Variants in UBAC2 observed in about 807,000 individuals in gnomAD.
UBAC2 encodes ubiquitin-associated domain-containing protein 2.
In UBAC2, 26 loss-of-function variants were observed where a neutral mutation model predicts 44.0. The observed-to-expected ratio is 0.59, with a 90% CI of 0.43 to 0.82. The LOEUF (loss-of-function observed/expected upper bound fraction) is 0.82. Among genes scored for constraint, UBAC2 ranks in the 40% least tolerant of loss-of-function variants. UBAC2 has a pLI of 0.00. For synonymous variants in UBAC2, 155 were observed against 154.3 expected (o/e 1.00, Z -0.04); for missense variants, 329 against 419.4 (o/e 0.78, Z 1.88).
intron 1 of UBAC2, among the ~76,000 whole-genome samples, chr13:99,210,350 A>G (rs1216812598): frequency 1.3e-5 from 2 of 152,328 alleles, no homozygotes; most frequent in Admixed American, 6.5e-5. Flanking sequence ...ACAAAAATGA[A>G]TATCTAAATA....
chr13:99,236,432 A>T (rs1226911306), intron 1 of UBAC2, among the ~76,000 whole-genome samples: 1 of 152,270 alleles, frequency 6.6e-6, no homozygotes, highest in African/African-American at 2.4e-5. Flanking sequence ...AAAAGAAGAC[A>T]TACAAATGGC....
chr13:99,353,787 CAGA>C (rs1176100860), intron 7 of UBAC2, among the ~76,000 whole-genome samples: 1 of 152,170 alleles, frequency 6.6e-6, no homozygotes, highest in African/African-American at 2.4e-5. Context: ...TAATGAGGAA[CAGA>C]CCACTGGAGT....
In UBAC2 at chr13:99,247,200, TTTTTTTTTGTTTTG is replaced by T. The variant is rs1278893026; in HGVS notation, c.389+2581_389+2594del. On this transcript the variant is annotated intron_variant, in intron 4 of 8. Transcript: ENST00000403766. ...ACTAAAGAGAGAAAACTACTGTTTT[TTTTTTTTTGTTTTG>T]TTTTGTTTTGTTTTTCTTGAGACGG... is the stretch of plus-strand genomic sequence containing the variant. Among the ~76,000 whole-genome samples the T allele has an allele frequency of 6.1e-5, 5 of 82,462 alleles. No individual in the cohort carries two copies. In the South Asian group the frequency reaches 1.5e-3, roughly 25 times the overall value. 54.1% of individuals were successfully genotyped at this position (82,462 alleles called of 152,430 possible). A position where few individuals can be genotyped will look rare whatever the true frequency, so the allele number is the denominator to read the frequency against.
In UBAC2 at chr13:99,282,853, CA is replaced by C. The variant is rs138998162; in HGVS notation, c.390-31243del. On this transcript the variant is annotated intron_variant, in intron 4 of 8. Coordinates refer to ENST00000403766, the MANE Select transcript of UBAC2 (RefSeq NM_001144072.2). ...AATATACAGCACACAAAAATAATCT[CA>C]TACCTGTCTTAGGGTTGGATTTTTT... 4.2e-3 allele frequency among the ~76,000 whole-genome samples: 642 copies of C among 152,288 alleles called. 2 individuals carry two copies. Among genetic ancestry groups the C allele is most frequent in the Middle Eastern group, 0.01 (3 of 294 alleles).
At chr13:99,367,962 C>T (rs2045353858) in intron 8 of UBAC2, 56 bp downstream of exon 8, 2 of 1,579,852 alleles carry the variant, frequency 1.3e-6, no homozygotes, top group Admixed American at 1.8e-5. Flanking sequence ...AGAGTTGAAG[C>T]AGTTTCGATC....
At chr13:99,297,085 G>C (rs1255333423) in intron 4 of UBAC2, among the ~76,000 whole-genome samples, 1 of 152,092 alleles carries the variant, frequency 6.6e-6, no homozygotes, top group Non-Finnish European at 1.5e-5. Flanking sequence ...TGCATAATTT[G>C]CTTAGCTACT....
At position 99,269,870 on chromosome 13, in the gene UBAC2, A is replaced by G. The variant is rs181101052; in HGVS notation, c.389+25246A>G. Among the ~76,000 whole-genome samples, 347 of 152,300 alleles carry G rather than the reference A, an allele frequency of 2.3e-3. 1 individual carries two copies. Among genetic ancestry groups the G allele is most frequent in the African/African-American group, 7.7e-3 (322 of 41,558 alleles). ...TGATAAAAGCTTTAACTCCTCTAAA[A>G]TAAGTTATTAAATGGGGATCATATG... On this transcript the variant is annotated intron_variant, in intron 4 of 8. Transcript: ENST00000403766.
intron 4 of UBAC2, among the ~76,000 whole-genome samples, chr13:99,281,162 C>T (rs926583223): frequency 6.6e-6 from 1 of 151,666 alleles, no homozygotes; most frequent in South Asian, 2.1e-4. Context: ...GTACTCCAGC[C>T]TGGGTGACAG....
Position 99,386,237 on chromosome 13 carries a change from GCAGACTGTGGAGGACAGGATGCAGGT to G in UBAC2, c.*906_*931del, listed in dbSNP as rs1262264010. 2.6e-5 allele frequency: 4 copies of G among 152,330 alleles called. No homozygotes were observed. Among genetic ancestry groups the G allele is most frequent in the African/African-American group, 7.2e-5 (3 of 41,452 alleles). 9.4% of individuals were successfully genotyped at this position (152,330 alleles called of 1,614,324 possible). ...TCAACCTGTGGCGACAGGAGGCAGG[GCAGACTGTGGAGGACAGGATGCAGGT>G]CAGGGAGAGGGAAGGCAGGGGTGGA... On this transcript the variant is annotated 3_prime_UTR_variant, in exon 9 of 9. Coordinates refer to ENST00000403766, the MANE Select transcript of UBAC2 (RefSeq NM_001144072.2).
chr13:99,272,789 G>T (rs886296468), intron 4 of UBAC2, among the ~76,000 whole-genome samples: 3 of 152,074 alleles, frequency 2.0e-5, no homozygotes, highest in African/African-American at 7.2e-5. Context: ...ACCACATTGG[G>T]GGCTAGTGCT....
intron 7 of UBAC2, among the ~76,000 whole-genome samples, chr13:99,344,620 A>G (rs1048535779): frequency 6.6e-6 from 1 of 152,208 alleles, no homozygotes; most frequent in Admixed American, 6.5e-5. Context: ...TATGTTACAC[A>G]TGATCTGTCT....
chr13:99,372,213 C>T (rs1218841002), intron 8 of UBAC2: 2 of 152,346 alleles, frequency 1.3e-5, no homozygotes, highest in Non-Finnish European at 2.9e-5. Flanking sequence ...GAGATGTCTG[C>T]TCATGCCTTC....
intron 1 of UBAC2, chr13:99,234,275 C>T: frequency 4.4e-6 from 1 of 225,624 alleles, no homozygotes; most frequent in African/African-American, 2.4e-5. Context: ...CACCACCTTC[C>T]AGGTTCAAGC....
At chr13:99,311,725 G>C (rs1757775338) in intron 4 of UBAC2, among the ~76,000 whole-genome samples, 1 of 152,220 alleles carries the variant, frequency 6.6e-6, no homozygotes, top group Admixed American at 6.5e-5. Context: ...TCATACAGTT[G>C]TTCTAGAATA....
chr13:99,332,407 A>C (rs1308036585), intron 6 of UBAC2, among the ~76,000 whole-genome samples: 3 of 152,234 alleles, frequency 2.0e-5, no homozygotes, highest in Non-Finnish European at 2.9e-5. Context: ...AAATCTGAAG[A>C]ACCGTGTAAT....
chr13:99,374,530 G>C (rs1379463373), intron 8 of UBAC2, among the ~76,000 whole-genome samples: 1 of 152,166 alleles, frequency 6.6e-6, no homozygotes, highest in South Asian at 2.1e-4. Context: ...CCCACAAGGT[G>C]CTTTCACTCT....
In UBAC2 at chr13:99,314,127, A is replaced by G; in HGVS notation, c.420A>G (p.Pro140=). The G allele has an allele frequency of 1.9e-6, 3 of 1,613,308 alleles. No homozygotes were observed. The highest frequency in any genetic ancestry group is 2.5e-6 in the Non-Finnish European group (3 of 1,179,784). The change falls in exon 5 of 9, where the codon CCA becomes CCG. Residue 140 remains proline, a synonymous_variant. Coordinates refer to ENST00000403766, the MANE Select transcript of UBAC2 (RefSeq NM_001144072.2). ...CACCTGTGTTTGCTCTGTTTGTACCATTTTACTGCTCCATACCAAGAGTCC... is the reference window on the plus strand; with the variant it reads ...CACCTGTGTTTGCTCTGTTTGTACCGTTTTACTGCTCCATACCAAGAGTCC... The part of the protein sequence containing the change: ...FLAPVFALFV[P]FYCSIPRVQV...
intron 4 of UBAC2, among the ~76,000 whole-genome samples, chr13:99,266,344 A>C (rs1453088823): frequency 4.6e-5 from 7 of 151,988 alleles, no homozygotes; most frequent in African/African-American, 9.7e-5. Context: ...ATACACTAAC[A>C]CTAATGATAG....
chr13:99,230,764 T>C (rs2043163005), intron 1 of UBAC2, among the ~76,000 whole-genome samples: 2 of 152,262 alleles, frequency 1.3e-5, no homozygotes, highest in South Asian at 2.1e-4. Context: ...AAAAGGACTC[T>C]TGTGGGCCGG....
Sources: allele counts gnomAD v4.1 joint callset (sites outside exome capture counted in the v4.1 genomes callset), GRCh38; gene constraint gnomAD v4.1.1; transcripts MANE v1.5; gene names NCBI Gene and HGNC (gene_info 2026-07-23, HGNC 2026-07-21).